The following RSU1 variants were observed in gnomAD, a reference collection of about 807,000 sequenced individuals.
RSU1 encodes rsu-1.
RSU1 carries 26 observed loss-of-function variants against 31.1 expected under a neutral mutation model. That is an observed-to-expected ratio of 0.84 (90% CI 0.61 to 1.16). RSU1 has a LOEUF of 1.16. Ranked by LOEUF, RSU1 falls within the 50% of genes most tolerant of loss-of-function variation. RSU1 has a pLI of 0.00. For missense variants in RSU1, 320 were observed against 339.1 expected, an observed-to-expected ratio of 0.94 and a Z score of 0.44; for synonymous variants, 164 against 136.3, an observed-to-expected ratio of 1.20 and a Z score of -1.41.
At position 16,607,790 on chromosome 10, in the gene RSU1, C is replaced by T. The variant is rs180685935; in HGVS notation, c.732-14294G>A. Among the ~76,000 whole-genome samples, 15 of 152,304 alleles carry T rather than the reference C, an allele frequency of 9.8e-5. No homozygotes were observed. In the South Asian group the frequency reaches 1.2e-3, roughly 13 times the overall value. On this transcript the variant is annotated intron_variant, in intron 8 of 8. Coordinates refer to ENST00000345264, the MANE Select transcript of RSU1 (RefSeq NM_012425.4). ...TTTACCCCTTAACCAAATCATGTTA[C>T]GTGAAACTCTACAGGGCTTGTACCT...
chr10:16,800,566 G>A (rs1241349650), intron 2 of RSU1, among the ~76,000 whole-genome samples: 1 of 152,166 alleles, frequency 6.6e-6, no homozygotes, highest in Non-Finnish European at 1.5e-5. Context: ...TAGGAGAAAA[G>A]TAAGACAAAA....
chr10:16,610,497 G>T, intron 8 of RSU1, among the ~76,000 whole-genome samples: 1 of 152,164 alleles, frequency 6.6e-6, no homozygotes, highest in African/African-American at 2.4e-5. Flanking sequence ...AGGCGAGGAA[G>T]CAAAGCTTCA....
chr10:16,763,233 C>G (rs1336442449), intron 4 of RSU1, among the ~76,000 whole-genome samples: 2 of 152,060 alleles, frequency 1.3e-5, no homozygotes, highest in African/African-American at 2.4e-5. Context: ...GTCTGTTCTC[C>G]CATTGCTATA....
At chr10:16,698,807 T>C (rs912541721) in intron 7 of RSU1, among the ~76,000 whole-genome samples, 10 of 152,194 alleles carry the variant, frequency 6.6e-5, no homozygotes, top group Non-Finnish European at 1.3e-4. Context: ...CACAGGCTAT[T>C]CACGATCATC....
At chr10:16,721,002 T>C (rs115656434) in intron 7 of RSU1, among the ~76,000 whole-genome samples, 1,968 of 152,132 alleles carry the variant, frequency 0.013, 49 homozygotes, top group African/African-American at 0.045. Flanking sequence ...AATAAATAAA[T>C]AAACAAACAA....
At chr10:16,599,364 C>A (rs951104220) in intron 8 of RSU1, among the ~76,000 whole-genome samples, 1 of 152,186 alleles carries the variant, frequency 6.6e-6, no homozygotes, top group Admixed American at 6.5e-5. Context: ...TCCCTCAAAC[C>A]CGGGCACCAC....
chr10:16,765,734 G>A (rs199679642), intron 3 of RSU1, among the ~76,000 whole-genome samples: 1 of 152,158 alleles, frequency 6.6e-6, no homozygotes, highest in Non-Finnish European at 1.5e-5. Flanking sequence ...ACATGAACAG[G>A]GGCGTGGAAC....
chr10:16,803,402 C>G (rs1838199206), intron 2 of RSU1, among the ~76,000 whole-genome samples: 1 of 152,108 alleles, frequency 6.6e-6, no homozygotes, highest in African/African-American at 2.4e-5. Flanking sequence ...AACAGGAAGA[C>G]TCAACACTGT....
At chr10:16,681,487 A>G (rs1835326841) in intron 8 of RSU1, among the ~76,000 whole-genome samples, 1 of 152,198 alleles carries the variant, frequency 6.6e-6, no homozygotes, top group Non-Finnish European at 1.5e-5. Flanking sequence ...CAGGGTCATC[A>G]TTGTCTTCTA....
chr10:16,602,675 C>T (rs1267502716), intron 8 of RSU1, among the ~76,000 whole-genome samples: 2 of 152,252 alleles, frequency 1.3e-5, no homozygotes, highest in South Asian at 2.1e-4. Flanking sequence ...GTCGTTTGCT[C>T]GTGTCATATG....
chr10:16,807,801 A>G (rs561535980), intron 2 of RSU1, among the ~76,000 whole-genome samples: 48 of 152,222 alleles, frequency 3.2e-4, no homozygotes, highest in African/African-American at 9.1e-4. Context: ...AGGCAGGCGG[A>G]TCATGATGTC....
chr10:16,813,413 G>C (rs954837182), intron 2 of RSU1, among the ~76,000 whole-genome samples: 2 of 152,126 alleles, frequency 1.3e-5, no homozygotes, highest in African/African-American at 4.8e-5. Flanking sequence ...CTTGGTTCAG[G>C]CTACTGACTA....
intron 7 of RSU1, among the ~76,000 whole-genome samples, chr10:16,727,505 G>A (rs1377193722): frequency 6.6e-6 from 1 of 152,068 alleles, no homozygotes. Context: ...CTGATCACGC[G>A]AGGTAACAAC....
chr10:16,610,085 T>C (rs963385257), intron 8 of RSU1, among the ~76,000 whole-genome samples: 1 of 152,242 alleles, frequency 6.6e-6, no homozygotes, highest in African/African-American at 2.4e-5. Context: ...TTAAAAATGA[T>C]TCATGATCTA....
chr10:16,642,145 T>G (rs1333620335), intron 8 of RSU1, among the ~76,000 whole-genome samples: 1 of 152,200 alleles, frequency 6.6e-6, no homozygotes, highest in Non-Finnish European at 1.5e-5. Context: ...CTCTGTCACC[T>G]GACGCATCAC....
At chr10:16,626,964 C>T (rs1834169382) in intron 8 of RSU1, among the ~76,000 whole-genome samples, 1 of 152,134 alleles carries the variant, frequency 6.6e-6, no homozygotes, top group Admixed American at 6.5e-5. Context: ...TGCCTAGAAC[C>T]TAAATCTGTT....
intron 7 of RSU1, among the ~76,000 whole-genome samples, chr10:16,696,381 A>T (rs1027947270): frequency 6.6e-6 from 1 of 152,022 alleles, no homozygotes; most frequent in African/African-American, 2.4e-5. Flanking sequence ...GGATAAATGA[A>T]TTTTTTTATG....
intron 8 of RSU1, among the ~76,000 whole-genome samples, chr10:16,604,391 T>G (rs1336650210): frequency 6.6e-6 from 1 of 152,008 alleles, no homozygotes; most frequent in African/African-American, 2.4e-5. Flanking sequence ...ATGCAGGCAG[T>G]AGGGACCAGC....
chr10:16,728,181 G>A (rs760636972), intron 7 of RSU1, among the ~76,000 whole-genome samples: 1 of 152,060 alleles, frequency 6.6e-6, no homozygotes, highest in African/African-American at 2.4e-5. Flanking sequence ...AATAATGAGC[G>A]AGTGGCCCCT....
Sources: allele counts gnomAD v4.1 joint callset (sites outside exome capture counted in the v4.1 genomes callset), GRCh38; gene constraint gnomAD v4.1.1; transcripts MANE v1.5; gene names NCBI Gene and HGNC (gene_info 2026-07-23, HGNC 2026-07-21).